The following TOLLIP variants were observed in gnomAD, a reference collection of about 807,000 sequenced individuals.
TOLLIP encodes toll-interacting protein.
TOLLIP carries 16 observed loss-of-function variants against 33.5 expected under a neutral mutation model. The observed-to-expected ratio is 0.48, with a 90% CI of 0.32 to 0.72. TOLLIP has a LOEUF of 0.72. Among genes scored for constraint, TOLLIP ranks in the 30% least tolerant of loss-of-function variants. The pLI, the probability that TOLLIP is intolerant of heterozygous loss-of-function variation, is 0.03. For missense variants in TOLLIP, 325 were observed against 396.6 expected (o/e 0.82, Z 1.53); for synonymous variants, 176 against 163.7 (o/e 1.07, Z -0.57).
intron 1 of TOLLIP, among the ~76,000 whole-genome samples, chr11:1,308,312 C>T (rs1043629889): frequency 1.3e-5 from 2 of 152,208 alleles, no homozygotes; most frequent in Admixed American, 1.3e-4. Context: ...TGTGGCACCT[C>T]CCCACCCCCA....
Position 1,276,998 on chromosome 11 carries a change from T to A in TOLLIP, c.*41A>T. Reference sequence around the variant, plus strand: ...TTCCTTGGGGAGCGCCGGGTCGGCGTGTCCAAAGAGCGGGGGCAAAACGGC... The same window carrying A: ...TTCCTTGGGGAGCGCCGGGTCGGCGAGTCCAAAGAGCGGGGGCAAAACGGC... On this transcript the variant is annotated 3_prime_UTR_variant, in exon 6 of 6. Transcript: ENST00000317204. 6.2e-7 allele frequency: 1 copy of A among 1,601,516 alleles called. No individual in the cohort carries two copies. The highest frequency in any genetic ancestry group is 8.5e-7 in the Non-Finnish European group (1 of 1,170,700).
rs199603176 is a variant in TOLLIP, at chr11:1,276,996, C to T, written c.*43G>A. 323 of 1,600,096 alleles carry T rather than the reference C, an allele frequency of 2.0e-4. No homozygotes were observed. Among genetic ancestry groups the T allele is most frequent in the Middle Eastern group, 6.6e-4 (4 of 6,028 alleles). Reference sequence around the variant, plus strand: ...CATTCCTTGGGGAGCGCCGGGTCGGCGTGTCCAAAGAGCGGGGGCAAAACG... The same window carrying T: ...CATTCCTTGGGGAGCGCCGGGTCGGTGTGTCCAAAGAGCGGGGGCAAAACG... On this transcript the variant is annotated 3_prime_UTR_variant, in exon 6 of 6. Transcript: ENST00000317204.
At chr11:1,284,927 T>C (rs1176879416) in intron 5 of TOLLIP, among the ~76,000 whole-genome samples, 1 of 152,162 alleles carries the variant, frequency 6.6e-6, no homozygotes, top group African/African-American at 2.4e-5. Flanking sequence ...CAGGTGGGTC[T>C]AGGGCGAGGT....
chr11:1,295,082 G>A (rs1042273443), intron 2 of TOLLIP, among the ~76,000 whole-genome samples: 4 of 151,944 alleles, frequency 2.6e-5, no homozygotes, highest in Non-Finnish European at 5.9e-5. Context: ...GCATTTCTAC[G>A]AAAGCCTGCG....
intron 1 of TOLLIP, chr11:1,305,688 G>C (rs1188720950): frequency 6.6e-6 from 1 of 152,240 alleles, no homozygotes; most frequent in Non-Finnish European, 1.5e-5. Flanking sequence ...AGAGTGAGGG[G>C]ACCTGGACAG....
At chr11:1,302,781 A>C (rs1483576597) in intron 1 of TOLLIP, 1 of 985,410 alleles carries the variant, frequency 1.0e-6, no homozygotes, top group African/African-American at 1.7e-5. Context: ...GGCAGCTCCC[A>C]CGCCAGTGTG....
intron 2 of TOLLIP, among the ~76,000 whole-genome samples, chr11:1,293,058 C>T (rs149526211): frequency 1.3e-5 from 2 of 152,174 alleles, no homozygotes; most frequent in African/African-American, 4.8e-5. Flanking sequence ...TGGGTGGGTG[C>T]GGGGGGCTCC....
intron 1 of TOLLIP, among the ~76,000 whole-genome samples, chr11:1,309,040 C>T (rs1447454794): frequency 6.6e-6 from 1 of 152,054 alleles, no homozygotes; most frequent in Non-Finnish European, 1.5e-5. Flanking sequence ...CATTAGGGTG[C>T]GGGGCCCTCC....
At chr11:1,307,149 T>C (rs1864441371) in intron 1 of TOLLIP, among the ~76,000 whole-genome samples, 1 of 152,102 alleles carries the variant, frequency 6.6e-6, no homozygotes. Context: ...CGCTGGTTGA[T>C]TAAGTCACAT....
intron 1 of TOLLIP, chr11:1,302,922 A>T: frequency 1.3e-5 from 4 of 313,918 alleles, no homozygotes; most frequent in Non-Finnish European, 1.8e-5. Flanking sequence ...CCTTCCTCAG[A>T]CAGGGCTTTC....
intron 4 of TOLLIP, among the ~76,000 whole-genome samples, chr11:1,287,450 A>AG (rs1863761075): frequency 6.4e-5 from 1 of 15,566 alleles, no homozygotes; most frequent in Non-Finnish European, 1.3e-4. Context: ...TCCCCGCCGC[A>AG]CCCTCCCCGC....
chr11:1,277,159 T>C lies in TOLLIP; in HGVS notation c.705A>G (p.Lys235=). 2 of 1,613,064 alleles carry C rather than the reference T, an allele frequency of 1.2e-6. No homozygotes were observed. Among genetic ancestry groups the C allele is most frequent in the East Asian group, 4.5e-5 (2 of 44,856 alleles). ...AQPRCSEEDL[K]AIQDMFPNMD... is the part of the protein sequence containing the mutation. ...TGTTGGGGAACATGTCCTGGATGGC[T>C]TTCAGGTCCTCCTCGCTACAGCGGG... Residue 235 remains lysine, a synonymous_variant, in exon 6 of 6, where the codon AAA becomes AAG. Transcript: ENST00000317204. This position sits in a 1 kb window ranked among gnomAD's most constrained non-coding sequence, Gnocchi z 4.2.
Position 1,290,004 on chromosome 11 carries a change from A to G in TOLLIP, c.366+223T>C. The G allele has an allele frequency of 1.8e-6, 1 of 560,676 alleles. No individual in the cohort carries two copies. Among genetic ancestry groups the G allele is most frequent in the Non-Finnish European group, 3.2e-6 (1 of 313,414 alleles). 34.7% of individuals were successfully genotyped at this position (560,676 alleles called of 1,614,324 possible). ...GCTGTATCCCTGGGTCATGCTTGTC[A>G]CTGGGGATGTTTCCAAATGTAAGTA... is the stretch of plus-strand genomic sequence containing the variant. On this transcript the variant is annotated intron_variant, in intron 3 of 5. Coordinates refer to ENST00000317204, the MANE Select transcript of TOLLIP (RefSeq NM_019009.4). This position sits in a 1 kb window ranked among gnomAD's most constrained non-coding sequence, Gnocchi z 4.9.
intron 1 of TOLLIP, among the ~76,000 whole-genome samples, chr11:1,301,301 A>G (rs1260743647): frequency 6.6e-6 from 1 of 152,226 alleles, no homozygotes; most frequent in Non-Finnish European, 1.5e-5. Context: ...GTTCTGTGGA[A>G]TTAAATCACA....
intron 1 of TOLLIP, among the ~76,000 whole-genome samples, chr11:1,297,133 C>T (rs1464846269): frequency 2.0e-5 from 3 of 152,108 alleles, no homozygotes; most frequent in Non-Finnish European, 4.4e-5. Flanking sequence ...AACCTGGAAC[C>T]CTCGGTGTGT....
chr11:1,276,572 G>T lies in TOLLIP; in HGVS notation c.*467C>A. On this transcript the variant is annotated 3_prime_UTR_variant, in exon 6 of 6. Coordinates refer to ENST00000317204, the MANE Select transcript of TOLLIP (RefSeq NM_019009.4). ...TCACAGCAAAGCGCGTTAGGGCAAG[G>T]GCGTGAGTTTTCGTCTGGGAAGTTC... is the stretch of plus-strand genomic sequence containing the variant. The T allele has an allele frequency of 1.0e-6, 1 of 965,834 alleles. No individual in the cohort carries two copies. Among genetic ancestry groups the T allele is most frequent in the Non-Finnish European group, 1.4e-6 (1 of 709,728 alleles). 59.8% of individuals were successfully genotyped at this position (965,834 alleles called of 1,614,324 possible).
rs1564972232 is a variant in TOLLIP at position 1,290,159 on chromosome 11, G to A, written c.366+68C>T. 2 of 1,533,538 alleles carry A rather than the reference G, an allele frequency of 1.3e-6. No homozygotes were observed. The highest frequency in any genetic ancestry group is 8.9e-7 in the Non-Finnish European group (1 of 1,123,486). The allele number at this position is 1,533,538 out of a possible 1,614,324, so 95.0% of individuals were successfully genotyped here. A position where few individuals can be genotyped will look rare whatever the true frequency, so the allele number is the denominator to read the frequency against. On this transcript the variant is annotated intron_variant, in intron 3 of 5. Transcript: ENST00000317204. The surrounding 1 kb of genome is among the most constrained non-coding windows in gnomAD (Gnocchi z 4.9). ...AGCCAGGAACGTGGCTGTGTTGGCA[G>A]GTGTGTCCCCACGGCAGCCACGCTC...
chr11:1,298,741 C>A (rs1395340283), intron 1 of TOLLIP, among the ~76,000 whole-genome samples: 1 of 152,264 alleles, frequency 6.6e-6, no homozygotes. Context: ...CCCCACGCAG[C>A]CCGGGGACCG....
At chr11:1,295,370 C>CGTA (rs1679138456) in intron 2 of TOLLIP, 1 of 330,060 alleles carries the variant, frequency 3.0e-6, no homozygotes, top group Admixed American at 4.8e-5. Context: ...TGTCCTTGGG[C>CGTA]GTACTCAAGC....
Sources: allele counts gnomAD v4.1 joint callset (sites outside exome capture counted in the v4.1 genomes callset), GRCh38; gene constraint gnomAD v4.1.1; non-coding constraint Gnocchi (gnomAD v3.1); transcripts MANE v1.5; gene names NCBI Gene and HGNC (gene_info 2026-07-23, HGNC 2026-07-21).